Variants in ADGRB3 observed in about 807,000 individuals in gnomAD.
ADGRB3 encodes adhesion G protein-coupled receptor B3, also known as brain-specific angiogenesis inhibitor 3.
ADGRB3 carries 37 observed loss-of-function variants against 193.4 expected under a neutral mutation model. The observed-to-expected ratio is 0.19, with a 90% CI of 0.15 to 0.25. ADGRB3 has a LOEUF of 0.25. Ranked by LOEUF, ADGRB3 falls within the 10% of genes least tolerant of loss-of-function variation. The probability of loss-of-function intolerance (pLI) is 1.00; values close to 1 mark genes in which losing one functional copy is unlikely to be tolerated. For missense variants in ADGRB3, 1,637 were observed against 1,852.9 expected, an observed-to-expected ratio of 0.88 and a Z score of 2.14; for synonymous variants, 690 against 644.2, an observed-to-expected ratio of 1.07 and a Z score of -1.08.
chr6:68,805,726 C>T (rs1391686447), intron 3 of ADGRB3, among the ~76,000 whole-genome samples: 2 of 152,088 alleles, frequency 1.3e-5, no homozygotes, highest in African/African-American at 4.8e-5. Context: ...TATCCCAGAG[C>T]CTACCATAAT....
chr6:69,154,011 G>A (rs1234521392), intron 17 of ADGRB3, among the ~76,000 whole-genome samples: 3 of 151,960 alleles, frequency 2.0e-5, no homozygotes, highest in African/African-American at 7.3e-5. Flanking sequence ...AGAAACATAA[G>A]AATAAAAGTG....
chr6:68,668,187 A>G (rs1173928090), intron 3 of ADGRB3, among the ~76,000 whole-genome samples: 1 of 152,004 alleles, frequency 6.6e-6, no homozygotes, highest in African/African-American at 2.4e-5. Context: ...AAATCTTTTC[A>G]TAAGCATCAA....
chr6:69,192,497 C>T (rs1001511629), intron 17 of ADGRB3, among the ~76,000 whole-genome samples: 3 of 152,118 alleles, frequency 2.0e-5, no homozygotes, highest in Admixed American at 6.6e-5. Context: ...CAGACACACC[C>T]AGGAACAATA....
At chr6:69,002,321 C>T (rs757547005) in intron 11 of ADGRB3, among the ~76,000 whole-genome samples, 14 of 151,234 alleles carry the variant, frequency 9.3e-5, no homozygotes, top group South Asian at 4.2e-4. Flanking sequence ...CTGGTTCAAG[C>T]GATTCTCCTG....
intron 3 of ADGRB3, among the ~76,000 whole-genome samples, chr6:68,816,188 T>C (rs1408012066): frequency 3.3e-5 from 5 of 152,074 alleles, no homozygotes; most frequent in Non-Finnish European, 5.9e-5. Context: ...GAATAATTAA[T>C]ATAAGCACTG....
At chr6:68,813,391 G>T (rs999519763) in intron 3 of ADGRB3, among the ~76,000 whole-genome samples, 8 of 151,976 alleles carry the variant, frequency 5.3e-5, no homozygotes, top group African/African-American at 1.9e-4. Context: ...GTACTCACTG[G>T]GCTACATTGG....
chr6:69,325,117 G>T, intron 21 of ADGRB3, 95 bp downstream of exon 21: 4 of 1,421,590 alleles, frequency 2.8e-6, no homozygotes, highest in Non-Finnish European at 3.8e-6. Flanking sequence ...AGGCTACTTT[G>T]TGTCTAATTT....
intron 13 of ADGRB3, among the ~76,000 whole-genome samples, chr6:69,046,164 G>T (rs769114389): frequency 2.0e-5 from 3 of 152,022 alleles, no homozygotes; most frequent in Non-Finnish European, 2.9e-5. Context: ...GAAATTATTA[G>T]ACCTCAGGGT....
chr6:69,272,670 A>G (rs1459620985), intron 20 of ADGRB3, among the ~76,000 whole-genome samples: 1 of 152,150 alleles, frequency 6.6e-6, no homozygotes, highest in Admixed American at 6.5e-5. Context: ...TGAGGAATGA[A>G]TTAGAATAAG....
At chr6:68,894,887 T>G (rs1014345120) in intron 3 of ADGRB3, among the ~76,000 whole-genome samples, 1 of 151,906 alleles carries the variant, frequency 6.6e-6, no homozygotes, top group African/African-American at 2.4e-5. Flanking sequence ...AATTCAGTGT[T>G]CAGTGTTTAT....
At chr6:69,255,309 T>C (rs1766734965) in intron 20 of ADGRB3, among the ~76,000 whole-genome samples, 1 of 152,130 alleles carries the variant, frequency 6.6e-6, no homozygotes, top group Admixed American at 6.5e-5. Flanking sequence ...GTTGAACTAG[T>C]TTACAGTCCC....
At chr6:68,645,593 T>TA in intron 3 of ADGRB3, among the ~76,000 whole-genome samples, 2 of 152,314 alleles carry the variant, frequency 1.3e-5, no homozygotes, top group Admixed American at 1.3e-4. Context: ...GAATAATACC[T>TA]ACTGCAATGG....
rs75141336 is a variant in ADGRB3 at position 68,715,972 on chromosome 6, G to A, written c.757+76540G>A. Among the ~76,000 whole-genome samples the A allele has an allele frequency of 8.0e-4, 121 of 151,728 alleles. 2 individuals carry two copies. In the East Asian group the frequency reaches 0.023, roughly 28 times the overall value. ...GCGGGGGAATGCTGACCACCCTTGA[G>A]ATTTAACCTGTCTAAACGTCAAAAA... On this transcript the variant is annotated intron_variant, in intron 3 of 31. Transcript: ENST00000370598.
At chr6:69,254,005 A>C (rs1766689303) in intron 20 of ADGRB3, among the ~76,000 whole-genome samples, 1 of 152,144 alleles carries the variant, frequency 6.6e-6, no homozygotes, top group Non-Finnish European at 1.5e-5. Context: ...AGGCAGTCAG[A>C]AGCTTGGTGG....
chr6:69,098,990 G>C (rs1772960115), intron 17 of ADGRB3, among the ~76,000 whole-genome samples: 1 of 152,122 alleles, frequency 6.6e-6, no homozygotes, highest in Non-Finnish European at 1.5e-5. Flanking sequence ...ATTTTAAATA[G>C]CTACCTCTAT....
intron 20 of ADGRB3, among the ~76,000 whole-genome samples, chr6:69,255,613 G>A (rs1766746514): frequency 6.6e-6 from 1 of 152,132 alleles, no homozygotes; most frequent in African/African-American, 2.4e-5. Context: ...CCCTTTTTCA[G>A]ATGAGTAGGT....
chr6:68,735,768 A>T (rs1765858426), intron 3 of ADGRB3, among the ~76,000 whole-genome samples: 1 of 152,126 alleles, frequency 6.6e-6, no homozygotes, highest in African/African-American at 2.4e-5. Context: ...AGAACTCAAG[A>T]TTGCATAAGC....
chr6:68,848,966 C>A (rs1021443812), intron 3 of ADGRB3, among the ~76,000 whole-genome samples: 18 of 152,038 alleles, frequency 1.2e-4, no homozygotes, highest in African/African-American at 4.3e-4. Flanking sequence ...AATAAAAACA[C>A]CATTCCTGAA....
In ADGRB3 at chr6:68,931,156, AAG is replaced by A. The variant is rs370520515; in HGVS notation, c.868+490_868+491del. On this transcript the variant is annotated intron_variant, in intron 4 of 31. Coordinates refer to ENST00000370598, the MANE Select transcript of ADGRB3 (RefSeq NM_001704.3). ...AAAAATTTAATAATTTTTATTTGAA[AAG>A]AGTTTTGTTATATAAGCTAAATAAT... 2.7e-3 allele frequency among the ~76,000 whole-genome samples: 413 copies of A among 152,086 alleles called. 6 individuals are homozygous for A. Among genetic ancestry groups the A allele is most frequent in the African/African-American group, 9.6e-3 (400 of 41,562 alleles).
Sources: allele counts gnomAD v4.1 joint callset (sites outside exome capture counted in the v4.1 genomes callset), GRCh38; gene constraint gnomAD v4.1.1; transcripts MANE v1.5; gene names NCBI Gene and HGNC (gene_info 2026-07-23, HGNC 2026-07-21).